The following MSI2 variants were observed in gnomAD, a reference collection of about 807,000 sequenced individuals.
MSI2 encodes RNA-binding protein Musashi homolog 2.
A neutral mutation model predicts 45.6 loss-of-function variants in MSI2; 17 were observed. The ratio of observed to expected loss-of-function variants is 0.37; its 90% CI spans 0.26 to 0.56. The LOEUF is 0.56. Ranked by LOEUF, MSI2 falls within the 20% of genes least tolerant of loss-of-function variation. The pLI is 0.77. For missense variants in MSI2, 293 were observed against 444.2 expected (o/e 0.66, Z 3.06); for synonymous variants, 156 against 158.2 (o/e 0.99, Z 0.11).
At chr17:57,360,643 G>A (rs1200198166) in intron 5 of MSI2, among the ~76,000 whole-genome samples, 2 of 152,220 alleles carry the variant, frequency 1.3e-5, no homozygotes, top group African/African-American at 4.8e-5. Context: ...TTATGCCCAT[G>A]GAGTGATTCT....
At chr17:57,635,574 C>G (rs1187419160) in intron 10 of MSI2, among the ~76,000 whole-genome samples, 1 of 152,270 alleles carries the variant, frequency 6.6e-6, no homozygotes, top group Non-Finnish European at 1.5e-5. Context: ...CTCGGGGTGG[C>G]CAGGAGGCCA....
chr17:57,394,446 A>T (rs2083853197), intron 5 of MSI2, among the ~76,000 whole-genome samples: 1 of 152,208 alleles, frequency 6.6e-6, no homozygotes, highest in Admixed American at 6.5e-5. Context: ...CCCACAGATG[A>T]TCTACAGTGA....
chr17:57,399,702 C>T (rs905706079), intron 5 of MSI2, among the ~76,000 whole-genome samples: 8 of 152,242 alleles, frequency 5.3e-5, no homozygotes, highest in Non-Finnish European at 1.2e-4. Flanking sequence ...AGCCTCTCTG[C>T]ATCATGGCTA....
rs1555600090 is a variant in MSI2 at position 57,410,591 on chromosome 17, A to AT, written c.405+9122dup. Among the ~76,000 whole-genome samples, 446 of 70,990 alleles carry AT rather than the reference A, an allele frequency of 6.3e-3. 13 individuals are homozygous for AT. The East Asian group carries it at 0.13, about 20-fold the overall frequency. 46.6% of individuals were successfully genotyped at this position (70,990 alleles called of 152,430 possible). A position where few individuals can be genotyped will look rare whatever the true frequency, so the allele number is the denominator to read the frequency against. On this transcript the variant is annotated intron_variant, in intron 6 of 13. Coordinates refer to ENST00000284073, the MANE Select transcript of MSI2 (RefSeq NM_138962.4). ...AAGAGCAAAATAAGGATTTAATTAAATTAAAAAAAAAAGAAAAGAAAACCC... is the reference window on the plus strand; with the variant it reads ...AAGAGCAAAATAAGGATTTAATTAAATTTAAAAAAAAAAGAAAAGAAAACCC...
intron 7 of MSI2, among the ~76,000 whole-genome samples, chr17:57,564,240 A>T (rs574325673): frequency 1.3e-5 from 2 of 152,280 alleles, no homozygotes; most frequent in Admixed American, 1.3e-4. Context: ...TAACATATTT[A>T]TGGGCACTGG....
At chr17:57,277,347 C>T (rs541514930) in intron 5 of MSI2, among the ~76,000 whole-genome samples, 7 of 152,150 alleles carry the variant, frequency 4.6e-5, no homozygotes, top group African/African-American at 9.7e-5. Context: ...CATGAGCCAC[C>T]GCACCCGGGC....
chr17:57,592,947 G>A (rs1904968643), intron 7 of MSI2, among the ~76,000 whole-genome samples: 1 of 152,172 alleles, frequency 6.6e-6, no homozygotes, highest in African/African-American at 2.4e-5. Context: ...AGCTTCCATG[G>A]CCGGGAACTC....
intron 5 of MSI2, among the ~76,000 whole-genome samples, chr17:57,400,961 G>A (rs1034442383): frequency 1.1e-4 from 16 of 152,174 alleles, no homozygotes; most frequent in African/African-American, 3.1e-4. Context: ...CAGCCTGTGC[G>A]TACTTTTGAA....
At chr17:57,376,450 C>A (rs2083498121) in intron 5 of MSI2, among the ~76,000 whole-genome samples, 3 of 152,188 alleles carry the variant, frequency 2.0e-5, no homozygotes, top group Non-Finnish European at 4.4e-5. Context: ...CAAATCCCTT[C>A]TCGCCTAGGT....
intron 6 of MSI2, among the ~76,000 whole-genome samples, chr17:57,520,630 TA>T (rs1266692699): frequency 6.6e-6 from 1 of 152,094 alleles, no homozygotes; most frequent in East Asian, 1.9e-4. Flanking sequence ...TTGCCACAAT[TA>T]AGAACAATTT....
chr17:57,597,728 T>G (rs1905397972), intron 8 of MSI2, among the ~76,000 whole-genome samples: 1 of 152,246 alleles, frequency 6.6e-6, no homozygotes, highest in Non-Finnish European at 1.5e-5. Context: ...CGTAACTTGC[T>G]GGCACCTGGC....
intron 5 of MSI2, among the ~76,000 whole-genome samples, chr17:57,347,983 T>C (rs1016995577): frequency 6.6e-6 from 1 of 152,200 alleles, no homozygotes; most frequent in Non-Finnish European, 1.5e-5. Flanking sequence ...AGCTCACAGG[T>C]CATTTGCACA....
At chr17:57,575,761 C>T (rs1413523309) in intron 7 of MSI2, among the ~76,000 whole-genome samples, 2 of 151,546 alleles carry the variant, frequency 1.3e-5, no homozygotes, top group Non-Finnish European at 1.5e-5. Context: ...CTGGCTAACA[C>T]GGTGAAACCC....
chr17:57,502,636 T>TATATATATATATATATATATAGAGAGAG, intron 6 of MSI2, among the ~76,000 whole-genome samples: 7 of 96,902 alleles, frequency 7.2e-5, no homozygotes, highest in Non-Finnish European at 1.3e-4. Flanking sequence ...TATATATATA[T>TATATATATATATATATATATAGAGAGAG]AGTCATCATT....
intron 5 of MSI2, among the ~76,000 whole-genome samples, chr17:57,396,416 C>CACAG (rs2083891092): frequency 6.6e-6 from 1 of 151,130 alleles, no homozygotes; most frequent in Admixed American, 6.6e-5. Context: ...ACACACACCA[C>CACAG]ACACACACAC....
Position 57,524,423 on chromosome 17 carries a change from G to A in MSI2, c.406-5253G>A, listed in dbSNP as rs570252970. 1.3e-4 allele frequency among the ~76,000 whole-genome samples: 20 copies of A among 152,322 alleles called. No individual in the cohort carries two copies. In the East Asian group the frequency reaches 2.7e-3, roughly 21 times the overall value. On this transcript the variant is annotated intron_variant, in intron 6 of 13. Coordinates refer to ENST00000284073, the MANE Select transcript of MSI2 (RefSeq NM_138962.4). ...TACTTAGGCTGATGTTTTGCAAATAGCGAATGCCTCATACATGCATGTTGC... is the reference window on the plus strand; with the variant it reads ...TACTTAGGCTGATGTTTTGCAAATAACGAATGCCTCATACATGCATGTTGC...
chr17:57,440,467 T>TGTGTGTGG (rs2084779162), intron 6 of MSI2, among the ~76,000 whole-genome samples: 1 of 140,284 alleles, frequency 7.1e-6, no homozygotes, highest in African/African-American at 2.7e-5. Context: ...TGTGTGTGTG[T>TGTGTGTGG]AGCGTGGCTG....
intron 10 of MSI2, among the ~76,000 whole-genome samples, chr17:57,640,818 G>T (rs972489187): frequency 6.6e-6 from 1 of 152,166 alleles, no homozygotes; most frequent in African/African-American, 2.4e-5. Flanking sequence ...ATGCAGGGAC[G>T]CTCTGTGGCC....
intron 5 of MSI2, among the ~76,000 whole-genome samples, chr17:57,307,070 T>G (rs1172486346): frequency 2.0e-5 from 3 of 152,228 alleles, no homozygotes; most frequent in African/African-American, 7.2e-5. Context: ...TGCCTGCTTA[T>G]TCCTTGGGCT....
Sources: allele counts gnomAD v4.1 joint callset (sites outside exome capture counted in the v4.1 genomes callset), GRCh38; gene constraint gnomAD v4.1.1; transcripts MANE v1.5; gene names NCBI Gene and HGNC (gene_info 2026-07-23, HGNC 2026-07-21).